Variants in HMBOX1 observed in about 807,000 individuals in gnomAD.
The protein encoded by HMBOX1 is homeobox-containing protein 1.
Under a neutral mutation model 54.5 loss-of-function variants are expected in HMBOX1, and 14 were observed. The observed-to-expected ratio is 0.26, with a 90% CI of 0.17 to 0.40. HMBOX1 has a LOEUF of 0.40. Among genes scored for constraint, HMBOX1 ranks in the 10% least tolerant of loss-of-function variants. HMBOX1 has a pLI of 1.00. For missense variants in HMBOX1, 332 were observed against 514.4 expected (o/e 0.65, Z 3.43); for synonymous variants, 160 against 181.0 (o/e 0.88, Z 0.93).
At chr8:28,934,039 A>G (rs1231537352) in intron 1 of HMBOX1, among the ~76,000 whole-genome samples, 3 of 152,254 alleles carry the variant, frequency 2.0e-5, no homozygotes, top group African/African-American at 7.2e-5. Context: ...TGTCCCTTAG[A>G]AACATATGCA....
chr8:28,914,812 A>G (rs1308264045), intron 1 of HMBOX1, among the ~76,000 whole-genome samples: 1 of 152,240 alleles, frequency 6.6e-6, no homozygotes, highest in African/African-American at 2.4e-5. Flanking sequence ...TACTTGTAAT[A>G]CCTATAATGG....
intron 4 of HMBOX1, among the ~76,000 whole-genome samples, chr8:29,002,925 C>T (rs374721179): frequency 6.6e-6 from 1 of 152,068 alleles, no homozygotes; most frequent in Non-Finnish European, 1.5e-5. Context: ...TTTCCCCTTT[C>T]ATCTGAATTG....
intron 1 of HMBOX1, among the ~76,000 whole-genome samples, chr8:28,927,663 C>T (rs1244428615): frequency 2.6e-5 from 4 of 152,214 alleles, no homozygotes; most frequent in African/African-American, 9.6e-5. Flanking sequence ...CCATCACCAA[C>T]AGTGAGGATC....
Position 29,051,212 on chromosome 8 carries a change from T to C in HMBOX1, c.*57T>C. 1 of 1,579,170 alleles carries C rather than the reference T, an allele frequency of 6.3e-7. No homozygotes were observed. Among genetic ancestry groups the C allele is most frequent in the Non-Finnish European group, 8.6e-7 (1 of 1,156,312 alleles). ...GTTTAGACGTAGCACCTTAGCAGAC[T>C]TTCCTCGGTCCTTAACATGTGTTCT... On this transcript the variant is annotated 3_prime_UTR_variant, in exon 10 of 10. Transcript: ENST00000287701.
At chr8:28,930,875 T>C (rs1203340732) in intron 1 of HMBOX1, among the ~76,000 whole-genome samples, 1 of 152,234 alleles carries the variant, frequency 6.6e-6, no homozygotes, top group Non-Finnish European at 1.5e-5. Context: ...TAACTATATT[T>C]GTCTTATCTC....
intron 1 of HMBOX1, among the ~76,000 whole-genome samples, chr8:28,936,361 A>G (rs914366921): frequency 2.0e-5 from 3 of 152,036 alleles, no homozygotes; most frequent in Admixed American, 6.6e-5. Flanking sequence ...CAATTAAAAT[A>G]TAGAACTAAT....
chr8:28,978,753 C>T (rs538202913), intron 3 of HMBOX1, among the ~76,000 whole-genome samples: 1 of 139,646 alleles, frequency 7.2e-6, no homozygotes, highest in East Asian at 2.1e-4. Flanking sequence ...CGCCACTGCA[C>T]TCCAGCCCGA....
At chr8:29,041,247 G>GT (rs898404887) in intron 6 of HMBOX1, among the ~76,000 whole-genome samples, 10 of 152,206 alleles carry the variant, frequency 6.6e-5, no homozygotes, top group African/African-American at 2.4e-4. Flanking sequence ...GTATTTTCCT[G>GT]TTTTTGCCCC....
At chr8:28,904,262 T>G (rs1419796775) in intron 1 of HMBOX1, among the ~76,000 whole-genome samples, 1 of 151,818 alleles carries the variant, frequency 6.6e-6, no homozygotes, top group Non-Finnish European at 1.5e-5. Flanking sequence ...TTTTTTTTTT[T>G]TTTTGAGACG....
chr8:28,922,200 C>T (rs1217707549), intron 1 of HMBOX1, among the ~76,000 whole-genome samples: 1 of 152,182 alleles, frequency 6.6e-6, no homozygotes, highest in Non-Finnish European at 1.5e-5. Context: ...ACAATACAGT[C>T]AGACAACCAT....
rs964706489 is a variant in HMBOX1, at chr8:29,045,503, C to A, written c.934+60C>A. On this transcript the variant is annotated intron_variant, in intron 7 of 9. Coordinates refer to ENST00000287701, the MANE Select transcript of HMBOX1 (RefSeq NM_001135726.3). ...AGCACAGCGCTTGGTTACAGGTTGG[C>A]ATCTAGGACACTTAATCTTATGCGT... The A allele has an allele frequency of 1.4e-5, 18 of 1,312,182 alleles. 1 individual carries two copies. The South Asian group carries it at 1.8e-4, about 13-fold the overall frequency. The allele number at this position is 1,312,182 out of a possible 1,614,324, so 81.3% of individuals were successfully genotyped here. A position where few individuals can be genotyped will look rare whatever the true frequency, so the allele number is the denominator to read the frequency against.
intron 4 of HMBOX1, among the ~76,000 whole-genome samples, chr8:28,988,479 T>C (rs1830477689): frequency 1.3e-5 from 2 of 152,162 alleles, no homozygotes; most frequent in African/African-American, 2.4e-5. Context: ...TTGGTAAATA[T>C]ACGTTTAACT....
intron 1 of HMBOX1, among the ~76,000 whole-genome samples, chr8:28,936,658 A>G (rs1473580275): frequency 6.6e-6 from 1 of 152,102 alleles, no homozygotes; most frequent in East Asian, 1.9e-4. Context: ...TCACAAATCC[A>G]CTTGTCTTTG....
At chr8:29,024,921 A>G (rs1242601561) in intron 6 of HMBOX1, among the ~76,000 whole-genome samples, 2 of 152,136 alleles carry the variant, frequency 1.3e-5, no homozygotes, top group Non-Finnish European at 1.5e-5. Flanking sequence ...TTAGATTCTC[A>G]TAGGAGCTCG....
chr8:28,965,810 G>A (rs1278173908), intron 2 of HMBOX1, among the ~76,000 whole-genome samples: 1 of 152,176 alleles, frequency 6.6e-6, no homozygotes, highest in Non-Finnish European at 1.5e-5. Flanking sequence ...TTGAAGTCCA[G>A]TAGTTGTGAC....
chr8:28,904,989 T>C (rs1215378693), intron 1 of HMBOX1, among the ~76,000 whole-genome samples: 3 of 152,196 alleles, frequency 2.0e-5, no homozygotes, highest in African/African-American at 7.2e-5. Flanking sequence ...CACACTCTTA[T>C]TTTGTTAGTT....
rs147257248 is a variant in HMBOX1, at chr8:28,942,443, G to C, written c.-57-21368G>C. On this transcript the variant is annotated intron_variant, in intron 1 of 9. Coordinates refer to ENST00000287701, the MANE Select transcript of HMBOX1 (RefSeq NM_001135726.3). ...TACAGAATTCAAAAAGTACAAAAAT[G>C]TATCCAGGGGACAGTCTCCTTACTG... 1.0e-3 allele frequency among the ~76,000 whole-genome samples: 158 copies of C among 152,292 alleles called. 1 individual carries two copies. Among genetic ancestry groups the C allele is most frequent in the African/African-American group, 3.7e-3 (153 of 41,584 alleles).
intron 1 of HMBOX1, among the ~76,000 whole-genome samples, chr8:28,899,557 C>T (rs1812815550): frequency 6.6e-6 from 1 of 152,182 alleles, no homozygotes; most frequent in South Asian, 2.1e-4. Flanking sequence ...TAGTAGTGAG[C>T]ATCTTGTTCT....
chr8:28,905,712 A>G (rs1275682580), intron 1 of HMBOX1, among the ~76,000 whole-genome samples: 2 of 152,200 alleles, frequency 1.3e-5, no homozygotes, highest in African/African-American at 2.4e-5. Context: ...AGCTGGCCTT[A>G]TCCTATTTAA....
Sources: gnomAD v4.1 joint callset for allele counts (sites outside exome capture counted in the v4.1 genomes callset) on GRCh38, gnomAD v4.1.1 for gene constraint, MANE v1.5 for transcripts, NCBI Gene and HGNC (gene_info 2026-07-23, HGNC 2026-07-21) for gene names.